The following RARB variants were observed in gnomAD, a reference collection of about 807,000 sequenced individuals.
RARB encodes HBV-activated protein.
Under a neutral mutation model 51.9 loss-of-function variants are expected in RARB, and 17 were observed. The observed-to-expected ratio is 0.33, with a 90% confidence interval of 0.22 to 0.49. The LOEUF (loss-of-function observed/expected upper bound fraction) is 0.49. Among genes scored for constraint, RARB ranks in the 20% least tolerant of loss-of-function variants. The pLI is 0.99. For synonymous variants in RARB, 215 were observed against 195.4 expected (o/e 1.10, Z -0.84); for missense variants, 369 against 550.8 (o/e 0.67, Z 3.30).
chr3:25,036,061 G>A (rs577495255), intron 2 of RARB, among the ~76,000 whole-genome samples: 9 of 152,282 alleles, frequency 5.9e-5, no homozygotes, highest in East Asian at 3.9e-4. Context: ...ACTATGCCAC[G>A]CTGTGAATGA....
At chr3:24,968,727 A>G (rs1401755521) in intron 2 of RARB, among the ~76,000 whole-genome samples, 1 of 152,110 alleles carries the variant, frequency 6.6e-6, no homozygotes, top group African/African-American at 2.4e-5. Flanking sequence ...GGCAAGTCCC[A>G]ATGTGCAAAT....
In RARB at chr3:24,927,825, A is replaced by T. The variant is rs183216939; in HGVS notation, c.-380+69073A>T. 3.9e-5 allele frequency among the ~76,000 whole-genome samples: 6 copies of T among 152,154 alleles called. No homozygotes were observed. In the East Asian group the frequency reaches 1.2e-3, roughly 29 times the overall value. ...TGAGTTGGTGTGAGTAGGTGCTAGA[A>T]ATTTTTCATGTTTTCAGTATACACT... On this transcript the variant is annotated intron_variant, in intron 2 of 11. Transcript: ENST00000383772.
At chr3:24,893,222 A>G (rs966664861) in intron 2 of RARB, among the ~76,000 whole-genome samples, 2 of 152,236 alleles carry the variant, frequency 1.3e-5, no homozygotes, top group Admixed American at 6.5e-5. Flanking sequence ...TACCAATTCA[A>G]TGTCTTGATC....
intron 5 of RARB, among the ~76,000 whole-genome samples, chr3:25,404,890 T>C (rs1419444690): frequency 6.6e-6 from 1 of 152,122 alleles, no homozygotes; most frequent in Non-Finnish European, 1.5e-5. Flanking sequence ...TACTCGCTAC[T>C]TTTTTTTCAG....
chr3:25,356,187 G>A (rs952457603), intron 5 of RARB, among the ~76,000 whole-genome samples: 1 of 152,018 alleles, frequency 6.6e-6, no homozygotes, highest in Non-Finnish European at 1.5e-5. Flanking sequence ...TCAAAGAGAA[G>A]TATTTATGGA....
intron 3 of RARB, among the ~76,000 whole-genome samples, chr3:25,558,293 C>T (rs920638720): frequency 1.3e-5 from 2 of 152,294 alleles, no homozygotes; most frequent in Non-Finnish European, 2.9e-5. Context: ...CAAATGTTCT[C>T]TCGAAAGTCA....
At chr3:25,196,884 G>T (rs2125367584) in intron 5 of RARB, among the ~76,000 whole-genome samples, 1 of 152,192 alleles carries the variant, frequency 6.6e-6, no homozygotes, top group East Asian at 1.9e-4. Flanking sequence ...AGAAGTGTTG[G>T]TTCATATCCT....
At chr3:25,414,231 G>A (rs1707642437) in intron 5 of RARB, among the ~76,000 whole-genome samples, 1 of 152,216 alleles carries the variant, frequency 6.6e-6, no homozygotes, top group Non-Finnish European at 1.5e-5. Flanking sequence ...ATTCATTTAT[G>A]CTGTGGCATG....
chr3:25,080,472 A>C (rs951140980), intron 3 of RARB, among the ~76,000 whole-genome samples: 1 of 152,190 alleles, frequency 6.6e-6, no homozygotes, highest in Non-Finnish European at 1.5e-5. Flanking sequence ...TTTTACATCT[A>C]CCTTTTGAGG....
At chr3:25,432,795 A>G (rs1239902918) in intron 1 of RARB, among the ~76,000 whole-genome samples, 1 of 152,162 alleles carries the variant, frequency 6.6e-6, no homozygotes, top group Non-Finnish European at 1.5e-5. Flanking sequence ...CTCTCAAGGA[A>G]TTTATAATTT....
intron 3 of RARB, among the ~76,000 whole-genome samples, chr3:25,100,458 T>C (rs1341292886): frequency 1.3e-5 from 2 of 152,104 alleles, no homozygotes; most frequent in Non-Finnish European, 2.9e-5. Context: ...TGAAGGTGAA[T>C]GGCTTAGGAA....
chr3:25,500,065 A>G (rs907213645), intron 2 of RARB, among the ~76,000 whole-genome samples: 1 of 152,218 alleles, frequency 6.6e-6, no homozygotes, highest in African/African-American at 2.4e-5. Flanking sequence ...GCTGTAGTAC[A>G]TTACTACCCG....
At chr3:25,569,579 G>A (rs995105553) in intron 3 of RARB, among the ~76,000 whole-genome samples, 179 bp from the exon 4 acceptor site, 1 of 152,152 alleles carries the variant, frequency 6.6e-6, no homozygotes, top group Admixed American at 6.5e-5. Flanking sequence ...GCTCTCTGCC[G>A]GGGTCCCGCG....
At chr3:24,967,485 T>A (rs1013681934) in intron 2 of RARB, among the ~76,000 whole-genome samples, 2 of 152,158 alleles carry the variant, frequency 1.3e-5, no homozygotes, top group African/African-American at 4.8e-5. Context: ...CCTTCCCTCT[T>A]CATCTCTGAC....
chr3:24,939,071 C>T (rs1333708821), intron 2 of RARB, among the ~76,000 whole-genome samples: 1 of 152,014 alleles, frequency 6.6e-6, no homozygotes, highest in Non-Finnish European at 1.5e-5. Flanking sequence ...CAACCTCCGC[C>T]TCCCAGGTTC....
chr3:25,570,135 C>T (rs1656455), intron 4 of RARB, among the ~76,000 whole-genome samples: 11,627 of 152,240 alleles, frequency 0.076, 544 homozygotes, highest in Admixed American at 0.1. Flanking sequence ...GGCTGAGTGC[C>T]GCCTCACTGC....
intron 2 of RARB, among the ~76,000 whole-genome samples, chr3:24,918,604 TG>T (rs914806922): frequency 1.3e-5 from 2 of 152,212 alleles, no homozygotes; most frequent in Non-Finnish European, 2.9e-5. Flanking sequence ...AGACTAGGGC[TG>T]GGCACAGTGG....
chr3:25,034,810 G>A (rs528914591), intron 2 of RARB, among the ~76,000 whole-genome samples: 19 of 152,300 alleles, frequency 1.2e-4, no homozygotes, highest in Non-Finnish European at 2.1e-4. Context: ...TTTTGTGTAA[G>A]TATCCACACT....
chr3:25,420,837 C>T (rs1225239685), intron 5 of RARB, among the ~76,000 whole-genome samples: 1 of 151,630 alleles, frequency 6.6e-6, no homozygotes, highest in Non-Finnish European at 1.5e-5. Context: ...GGTAGAAGAA[C>T]GGGTAGGTGA....
Sources: allele counts gnomAD v4.1 joint callset (sites outside exome capture counted in the v4.1 genomes callset), GRCh38; gene constraint gnomAD v4.1.1; transcripts MANE v1.5; gene names NCBI Gene and HGNC (gene_info 2026-07-23, HGNC 2026-07-21).